The following PIK3C2G variants were observed in gnomAD, a reference collection of about 807,000 sequenced individuals.
PIK3C2G encodes the protein phosphatidylinositol 3-kinase C2 domain-containing subunit gamma.
PIK3C2G carries 168 observed loss-of-function variants against 181.1 expected under a neutral mutation model. The ratio of observed to expected loss-of-function variants is 0.93; its 90% confidence interval spans 0.82 to 1.05. The LOEUF is 1.05. PIK3C2G is among the 50% of genes least tolerant of loss of function. The pLI, the probability that PIK3C2G is intolerant of heterozygous loss-of-function variation, is 0.00. For synonymous variants in PIK3C2G, 573 were observed against 592.2 expected (o/e 0.97, Z 0.47); for missense variants, 1,869 against 1,732.8 (o/e 1.08, Z -1.40).
At chr12:18,472,662 G>C (rs61914371) in intron 18 of PIK3C2G, among the ~76,000 whole-genome samples, 25,749 of 151,890 alleles carry the variant, frequency 0.17, 2,700 homozygotes, top group African/African-American at 0.3. Context: ...TTCAATTGTT[G>C]CCCCTCTAAA....
At position 18,460,022 on chromosome 12, in the gene PIK3C2G, C is replaced by T. The variant is rs537223317; in HGVS notation, c.2505-28427C>T. On this transcript the variant is annotated intron_variant, in intron 18 of 32. Transcript: ENST00000538779. Reference sequence around the variant, plus strand: ...TCAAGTAAGATGCCCGCCTCGGCCTCCCAAAGTGCTGGGATTACAGGCGTG... The same window carrying T: ...TCAAGTAAGATGCCCGCCTCGGCCTTCCAAAGTGCTGGGATTACAGGCGTG... 2.9e-3 allele frequency among the ~76,000 whole-genome samples: 449 copies of T among 152,294 alleles called. 3 individuals carry two copies. The highest frequency in any genetic ancestry group is 0.01 in the African/African-American group (422 of 41,570).
intron 1 of PIK3C2G, among the ~76,000 whole-genome samples, chr12:18,253,034 A>T (rs527777680): frequency 1.3e-5 from 2 of 152,290 alleles, no homozygotes; most frequent in South Asian, 4.1e-4. Flanking sequence ...AAGATAAGAC[A>T]GGTCTATGCA....
chr12:18,340,832 G>A (rs1939067248), intron 9 of PIK3C2G, among the ~76,000 whole-genome samples: 1 of 152,090 alleles, frequency 6.6e-6, no homozygotes, highest in East Asian at 1.9e-4. Flanking sequence ...TGCTGTTAAT[G>A]GAGGTATTAA....
At chr12:18,563,312 G>T (rs1945445029) in intron 27 of PIK3C2G, 65 bp from the exon 28 acceptor site, 20 of 1,452,796 alleles carry the variant, frequency 1.4e-5, no homozygotes, top group Non-Finnish European at 1.9e-5. Flanking sequence ...CATAAAATCG[G>T]GTTTTAGAGT....
At chr12:18,606,891 A>C (rs1055901662) in intron 30 of PIK3C2G, among the ~76,000 whole-genome samples, 6 of 152,128 alleles carry the variant, frequency 3.9e-5, no homozygotes, top group Non-Finnish European at 8.8e-5. Flanking sequence ...AATTAAAAAA[A>C]CTAAATTTCT....
chr12:18,540,337 GAT>G (rs1457087503), intron 25 of PIK3C2G, among the ~76,000 whole-genome samples: 1 of 151,836 alleles, frequency 6.6e-6, no homozygotes, highest in African/African-American at 2.4e-5. Context: ...ACCTGCTCCA[GAT>G]ATTTCAAAAA....
chr12:18,343,151 A>G (rs1276141518), intron 9 of PIK3C2G, among the ~76,000 whole-genome samples, 176 bp from the exon 10 acceptor site: 1 of 152,130 alleles, frequency 6.6e-6, no homozygotes, highest in African/African-American at 2.4e-5. Context: ...TTTTTATTTC[A>G]TCATACAATT....
chr12:18,383,332 A>T (rs1942963274), intron 14 of PIK3C2G, among the ~76,000 whole-genome samples: 1 of 152,218 alleles, frequency 6.6e-6, no homozygotes. Context: ...GGAGAGACAG[A>T]CTTTCGCAAC....
intron 16 of PIK3C2G, among the ~76,000 whole-genome samples, chr12:18,418,068 A>G (rs776070067): frequency 7.2e-5 from 11 of 152,212 alleles, no homozygotes; most frequent in Non-Finnish European, 1.6e-4. Flanking sequence ...CATTGCAACC[A>G]TATATGAAGT....
intron 24 of PIK3C2G, among the ~76,000 whole-genome samples, chr12:18,533,456 C>T (rs1943663745): frequency 6.6e-6 from 1 of 151,984 alleles, no homozygotes; most frequent in Non-Finnish European, 1.5e-5. Flanking sequence ...CTTCCCACTT[C>T]TCTGTTATCT....
intron 30 of PIK3C2G, among the ~76,000 whole-genome samples, chr12:18,599,588 T>C (rs910899739): frequency 2.0e-5 from 3 of 151,834 alleles, no homozygotes; most frequent in African/African-American, 7.3e-5. Flanking sequence ...GCATGGCACA[T>C]GTATACATAT....
chr12:18,387,044 C>CA (rs1158542473), intron 14 of PIK3C2G, among the ~76,000 whole-genome samples: 1 of 152,176 alleles, frequency 6.6e-6, no homozygotes, highest in African/African-American at 2.4e-5. Context: ...ACTTCCTCTC[C>CA]AAAATTACTT....
intron 29 of PIK3C2G, among the ~76,000 whole-genome samples, chr12:18,586,480 G>C (rs1946785391): frequency 6.6e-6 from 1 of 151,916 alleles, no homozygotes. Flanking sequence ...ACCTGAAAGG[G>C]ATGGATAAAT....
intron 18 of PIK3C2G, among the ~76,000 whole-genome samples, chr12:18,430,123 T>C (rs1946071267): frequency 6.6e-6 from 1 of 152,218 alleles, no homozygotes; most frequent in Admixed American, 6.5e-5. Context: ...CTGCCTCATG[T>C]CCTGTTCTAG....
chr12:18,298,401 G>GT, intron 5 of PIK3C2G, among the ~76,000 whole-genome samples: 1 of 108,990 alleles, frequency 9.2e-6, no homozygotes, highest in Admixed American at 9.5e-5. Context: ...TAGTTTGTGT[G>GT]TTTTTTCTTT....
chr12:18,591,985 G>A (rs1947107266), intron 29 of PIK3C2G, among the ~76,000 whole-genome samples: 1 of 151,850 alleles, frequency 6.6e-6, no homozygotes, highest in Admixed American at 6.6e-5. Flanking sequence ...GGAGAACAGA[G>A]AGTCCAAGTA....
At chr12:18,663,756 T>A in the PIK3C2G span, among the ~76,000 whole-genome samples, 1 of 151,944 alleles carries the variant, frequency 6.6e-6, no homozygotes, top group East Asian at 1.9e-4. Context: ...TTGAACTTCA[T>A]GAAAATTGAA....
intron 10 of PIK3C2G, among the ~76,000 whole-genome samples, chr12:18,344,249 C>T (rs994970076): frequency 6.6e-6 from 1 of 152,062 alleles, no homozygotes; most frequent in African/African-American, 2.4e-5. Flanking sequence ...AAAACCTAAC[C>T]TGCCCTCCAC....
intron 31 of PIK3C2G, among the ~76,000 whole-genome samples, chr12:18,611,528 C>G (rs1315761818): frequency 1.3e-5 from 2 of 152,024 alleles, no homozygotes; most frequent in African/African-American, 4.8e-5. Context: ...GCTTGGAAAT[C>G]TCATCTGAAA....
Sources: allele counts gnomAD v4.1 joint callset (sites outside exome capture counted in the v4.1 genomes callset), GRCh38; gene constraint gnomAD v4.1.1; transcripts MANE v1.5; gene names NCBI Gene and HGNC (gene_info 2026-07-23, HGNC 2026-07-21).